IPPK: variants seen among roughly 807,000 people sequenced by gnomAD.
IPPK encodes inositol-pentakisphosphate 2-kinase, also known as IPK1 homolog.
Under a neutral mutation model 64.6 loss-of-function variants are expected in IPPK, and 22 were observed. The ratio of observed to expected loss-of-function variants is 0.34; its 90% CI spans 0.24 to 0.49. IPPK has a LOEUF of 0.49. Among genes scored for constraint, IPPK ranks in the 20% least tolerant of loss-of-function variants. The pLI is 0.99. For missense variants in IPPK, 532 were observed against 630.7 expected (o/e 0.84, Z 1.68); for synonymous variants, 262 against 247.2 (o/e 1.06, Z -0.56).
At chr9:92,654,873 C>T (rs901537348) in intron 3 of IPPK, among the ~76,000 whole-genome samples, 18 of 152,252 alleles carry the variant, frequency 1.2e-4, no homozygotes, top group Non-Finnish European at 2.5e-4. Flanking sequence ...TGTCAGCATG[C>T]GAGGTTCCAA....
intron 2 of IPPK, 68 bp downstream of exon 2, chr9:92,658,566 T>C: frequency 1.5e-6 from 2 of 1,317,204 alleles, no homozygotes; most frequent in Non-Finnish European, 2.2e-6. Context: ...TGTTTCTACA[T>C]CGGAAAAAAA....
At chr9:92,644,870 G>T (rs560482467) in intron 6 of IPPK, among the ~76,000 whole-genome samples, 1 of 151,998 alleles carries the variant, frequency 6.6e-6, no homozygotes, top group Non-Finnish European at 1.5e-5. Context: ...CACAAAACAC[G>T]CAAAGAAACA....
chr9:92,651,111 C>T (rs1232346962), intron 4 of IPPK, among the ~76,000 whole-genome samples: 1 of 152,060 alleles, frequency 6.6e-6, no homozygotes, highest in Non-Finnish European at 1.5e-5. Context: ...TGTCCTGTGG[C>T]GTTCCCGCCT....
In IPPK at chr9:92,619,497, C is replaced by T; in HGVS notation, c.1239G>A (p.Leu413=). 6.3e-7 allele frequency: 1 copy of T among 1,589,608 alleles called. No individual in the cohort carries two copies. Among genetic ancestry groups the T allele is most frequent in the Middle Eastern group, 1.7e-4 (1 of 6,034 alleles). ...CSIMIALSPC[L]QDASSDQRPV... is the part of the protein sequence containing the mutation. ...AGTGGGGGCCTCACCTGGCATCCTG[C>T]AGACAGGGAGACAGTGCAATCATGA... Residue 413 remains leucine (L), a synonymous_variant, in exon 12 of 13, where the codon CTG becomes CTA. Transcript: ENST00000287996.
At chr9:92,640,054 TG>T (rs1411023870) in intron 8 of IPPK, among the ~76,000 whole-genome samples, 1 of 152,206 alleles carries the variant, frequency 6.6e-6, no homozygotes. Flanking sequence ...CTGCCTCCTC[TG>T]AAGTATCCAC....
At chr9:92,642,627 G>T in intron 7 of IPPK, 125 bp downstream of exon 7, 1 of 776,088 alleles carries the variant, frequency 1.3e-6, no homozygotes, top group Non-Finnish European at 2.2e-6. Flanking sequence ...AGAGAGCCCT[G>T]AAGACAGAAC....
At chr9:92,652,306 G>T (rs555511508) in intron 4 of IPPK, among the ~76,000 whole-genome samples, 1 of 151,948 alleles carries the variant, frequency 6.6e-6, no homozygotes, top group African/African-American at 2.4e-5. Context: ...AAAAGTAGCC[G>T]AGCATGGTGG....
intron 9 of IPPK, among the ~76,000 whole-genome samples, chr9:92,636,814 T>C (rs1851951689): frequency 6.6e-6 from 1 of 152,138 alleles, no homozygotes; most frequent in Non-Finnish European, 1.5e-5. Flanking sequence ...TCTGTGTCCA[T>C]GTCCAAAAAG....
chr9:92,635,142 G>A lies in IPPK; in HGVS notation c.1067+16C>T, dbSNP rs777332979. 7 of 1,603,398 alleles carry A rather than the reference G, an allele frequency of 4.4e-6. No individual in the cohort carries two copies. In the African/African-American group the frequency reaches 9.4e-5, roughly 22 times the overall value. ...TCCTCTCAGGGCTGCCCAACAGGGG[G>A]ACCGCCCGACCTCACCTCTCCTCGG... On this transcript the variant is annotated intron_variant, in intron 10 of 12. Transcript: ENST00000287996. The surrounding 1 kb of genome is among the most constrained non-coding windows in gnomAD (Gnocchi z 4.4).
chr9:92,633,955 C>T (rs911579470), intron 11 of IPPK, among the ~76,000 whole-genome samples: 12 of 152,236 alleles, frequency 7.9e-5, no homozygotes, highest in South Asian at 2.1e-4. Flanking sequence ...GAGACTCCTG[C>T]AGGCTGTCCC....
At chr9:92,651,532 T>C (rs189783649) in intron 4 of IPPK, among the ~76,000 whole-genome samples, 59 of 152,308 alleles carry the variant, frequency 3.9e-4, no homozygotes, top group Non-Finnish European at 7.6e-4. Context: ...TAGACTCCGG[T>C]TGGGGACAGC....
intron 1 of IPPK, among the ~76,000 whole-genome samples, chr9:92,667,875 C>T (rs1852632667): frequency 6.6e-6 from 1 of 151,782 alleles, no homozygotes; most frequent in South Asian, 2.1e-4. Context: ...TGCAGTCCAG[C>T]CTGGGAGACA....
intron 1 of IPPK, among the ~76,000 whole-genome samples, chr9:92,665,424 A>G (rs1852574178): frequency 6.6e-6 from 1 of 152,228 alleles, no homozygotes; most frequent in Non-Finnish European, 1.5e-5. Context: ...TCTGTAATGG[A>G]TATCTTTGTG....
At chr9:92,642,679 C>T (rs1852075058) in intron 7 of IPPK, 73 bp downstream of exon 7, 1 of 1,313,984 alleles carries the variant, frequency 7.6e-7, no homozygotes, top group Non-Finnish European at 1.1e-6. Flanking sequence ...TACCCCCCAC[C>T]AGGCACTGGC....
rs1268058392 is a variant in IPPK, at chr9:92,627,770, C to A, written c.1170+6616G>T. Among the ~76,000 whole-genome samples, 3 of 152,180 alleles carry A rather than the reference C, an allele frequency of 2.0e-5. No individual in the cohort carries two copies. The East Asian group carries it at 5.8e-4, about 29-fold the overall frequency. The stretch of plus-strand genomic sequence containing the variant: ...ATGACGATGAAAGACTGAACACTGT[C>A]CCCATAAGACCAAGAACAAATCAGG... On this transcript the variant is annotated intron_variant, in intron 11 of 12. Coordinates refer to ENST00000287996, the MANE Select transcript of IPPK (RefSeq NM_022755.6).
chr9:92,622,358 C>T (rs912816287), intron 11 of IPPK, among the ~76,000 whole-genome samples: 1 of 152,092 alleles, frequency 6.6e-6, no homozygotes, highest in Non-Finnish European at 1.5e-5. Flanking sequence ...AAAGGGAAAA[C>T]ATCAAATTCA....
At position 92,614,732 on chromosome 9, in the gene IPPK, TA is replaced by T. The variant is rs1431327279; in HGVS notation, c.*1099del. 3.3e-5 allele frequency: 5 copies of T among 152,532 alleles called. No individual in the cohort carries two copies. The highest frequency in any genetic ancestry group is 7.3e-5 in the Non-Finnish European group (5 of 68,032). 9.4% of individuals were successfully genotyped at this position (152,532 alleles called of 1,614,324 possible). On this transcript the variant is annotated 3_prime_UTR_variant, in exon 13 of 13. Coordinates refer to ENST00000287996, the MANE Select transcript of IPPK (RefSeq NM_022755.6). ...TAGTCCCTCAAAACGATGATATAAA[TA>T]AGTCTGTACAACCTAGCATAGAATA...
In IPPK at chr9:92,670,078, C is replaced by T. The variant is rs1358606057; in HGVS notation, c.-90G>A. 2.1e-6 allele frequency: 2 copies of T among 944,494 alleles called. No individual in the cohort carries two copies. Among genetic ancestry groups the T allele is most frequent in the Non-Finnish European group, 3.1e-6 (2 of 640,932 alleles). The allele number at this position is 944,494 out of a possible 1,614,324, so 58.5% of individuals were successfully genotyped here. On this transcript the variant is annotated 5_prime_UTR_variant, in exon 1 of 13. Coordinates refer to ENST00000287996, the MANE Select transcript of IPPK (RefSeq NM_022755.6). ...CTCGCTGGGAACCAGCCGCTGCGGT[C>T]GGGGGAGGAGCGCCTGTCAGCTGCC...
At chr9:92,668,831 G>C (rs1365932064) in intron 1 of IPPK, among the ~76,000 whole-genome samples, 4 of 152,168 alleles carry the variant, frequency 2.6e-5, no homozygotes, top group Non-Finnish European at 5.9e-5. Flanking sequence ...GGGGCTACCT[G>C]GGTGTTTGCA....
Sources: gnomAD v4.1 joint callset for allele counts (sites outside exome capture counted in the v4.1 genomes callset) on GRCh38, gnomAD v4.1.1 for gene constraint, Gnocchi (gnomAD v3.1) non-coding constraint, MANE v1.5 for transcripts, NCBI Gene and HGNC (gene_info 2026-07-23, HGNC 2026-07-21) for gene names.